MACROD2: variants seen among roughly 807,000 people sequenced by gnomAD.
The protein encoded by MACROD2 is ADP-ribose glycohydrolase MACROD2.
Under a neutral mutation model 70.4 loss-of-function variants are expected in MACROD2, and 36 were observed. The ratio of observed to expected loss-of-function variants is 0.51; its 90% CI spans 0.39 to 0.68. The LOEUF (loss-of-function observed/expected upper bound fraction) is 0.68. MACROD2 is among the 30% of genes least tolerant of loss of function. The pLI is 0.00. For synonymous variants in MACROD2, 172 were observed against 178.8 expected (o/e 0.96, Z 0.30); for missense variants, 496 against 538.4 (o/e 0.92, Z 0.78).
chr20:15,801,721 T>C (rs2063728258), intron 8 of MACROD2, among the ~76,000 whole-genome samples: 1 of 152,140 alleles, frequency 6.6e-6, no homozygotes, highest in African/African-American at 2.4e-5. Context: ...AGGCTTTTGG[T>C]CTATTTCTGT....
At chr20:15,478,775 G>C (rs1275579960) in intron 7 of MACROD2, among the ~76,000 whole-genome samples, 1 of 152,138 alleles carries the variant, frequency 6.6e-6, no homozygotes, top group Non-Finnish European at 1.5e-5. Flanking sequence ...AATTAAGACT[G>C]TGCAGAGAAG....
At chr20:14,963,756 T>A (rs2074605472) in intron 5 of MACROD2, among the ~76,000 whole-genome samples, 1 of 152,228 alleles carries the variant, frequency 6.6e-6, no homozygotes, top group Non-Finnish European at 1.5e-5. Context: ...AAGTTCTTCA[T>A]GTAGATTCAT....
intron 5 of MACROD2, among the ~76,000 whole-genome samples, chr20:14,863,456 C>T (rs764174134): frequency 2.6e-5 from 4 of 152,080 alleles, no homozygotes; most frequent in Non-Finnish European, 5.9e-5. Flanking sequence ...ATATCAAATG[C>T]TTCTAATTGA....
intron 8 of MACROD2, among the ~76,000 whole-genome samples, chr20:15,551,011 G>A (rs908622334): frequency 3.3e-5 from 5 of 152,220 alleles, no homozygotes; most frequent in African/African-American, 1.2e-4. Context: ...TAAGAATAAA[G>A]AAAATAATTC....
chr20:15,776,852 T>C (rs954019714), intron 8 of MACROD2, among the ~76,000 whole-genome samples: 6 of 152,140 alleles, frequency 3.9e-5, no homozygotes, highest in Admixed American at 3.9e-4. Context: ...TGTCCTGGGT[T>C]AGGTAGTGAT....
chr20:15,664,405 T>A (rs1568960966), intron 8 of MACROD2, among the ~76,000 whole-genome samples: 1 of 152,236 alleles, frequency 6.6e-6, no homozygotes, highest in Non-Finnish European at 1.5e-5. Flanking sequence ...TTTCTTGTAG[T>A]AGGTAATTGA....
chr20:14,159,397 T>C (rs960545387), intron 3 of MACROD2, among the ~76,000 whole-genome samples: 13 of 152,248 alleles, frequency 8.5e-5, no homozygotes, highest in Admixed American at 1.3e-4. Context: ...TATGTTCTCT[T>C]GAATTTCTTT....
chr20:14,929,707 T>C (rs1475959889), intron 5 of MACROD2, among the ~76,000 whole-genome samples: 1 of 152,032 alleles, frequency 6.6e-6, no homozygotes, highest in Admixed American at 6.6e-5. Flanking sequence ...TCCCATCCTC[T>C]GAGTCACCTT....
At chr20:15,860,220 C>CA (rs1358606598) in intron 8 of MACROD2, among the ~76,000 whole-genome samples, 1 of 151,980 alleles carries the variant, frequency 6.6e-6, no homozygotes, top group African/African-American at 2.4e-5. Context: ...CACTCATACA[C>CA]ACTCATGCAC....
At chr20:15,755,360 TAAG>T (rs933139663) in intron 8 of MACROD2, among the ~76,000 whole-genome samples, 2 of 152,186 alleles carry the variant, frequency 1.3e-5, no homozygotes, top group African/African-American at 4.8e-5. Context: ...ACCTCAAATG[TAAG>T]AAGAAGTTTA....
chr20:16,016,328 A>G (rs1044967001), intron 15 of MACROD2, among the ~76,000 whole-genome samples: 3 of 152,024 alleles, frequency 2.0e-5, no homozygotes, highest in Non-Finnish European at 2.9e-5. Flanking sequence ...ATTTTTTCCT[A>G]TCACTTCTAT....
chr20:14,840,192 C>T (rs569551152), intron 5 of MACROD2, among the ~76,000 whole-genome samples: 1 of 152,138 alleles, frequency 6.6e-6, no homozygotes, highest in East Asian at 1.9e-4. Context: ...TGCCTGCCAC[C>T]ATGGCTGGCT....
In MACROD2 at chr20:14,158,125, G is replaced by A. The variant is rs577368677; in HGVS notation, c.271+72397G>A. Among the ~76,000 whole-genome samples the A allele has an allele frequency of 2.2e-3, 341 of 152,168 alleles. 5 individuals carry two copies. The highest frequency in any genetic ancestry group is 8.0e-3 in the African/African-American group (331 of 41,550). On this transcript the variant is annotated intron_variant, in intron 3 of 17. Coordinates refer to ENST00000684519, the MANE Select transcript of MACROD2 (RefSeq NM_001351661.2). ...TTTAGTAATAGCCATTCTAATTGGGGTAAGATGATAGGTATCTCATTGTGG... is the reference window on the plus strand; with the variant it reads ...TTTAGTAATAGCCATTCTAATTGGGATAAGATGATAGGTATCTCATTGTGG...
chr20:15,517,001 C>T (rs6110647), intron 8 of MACROD2, among the ~76,000 whole-genome samples: 8,624 of 152,172 alleles, frequency 0.057, 799 homozygotes, highest in African/African-American at 0.19. Context: ...TAGTATGCAA[C>T]GTAACCACAT....
chr20:15,267,604 C>G (rs924376053), intron 6 of MACROD2, among the ~76,000 whole-genome samples: 4 of 152,184 alleles, frequency 2.6e-5, no homozygotes, highest in Admixed American at 6.5e-5. Flanking sequence ...GACTCAACCC[C>G]CAGGTAGAGA....
At chr20:15,364,626 T>A (rs1432835984) in intron 6 of MACROD2, among the ~76,000 whole-genome samples, 1 of 152,218 alleles carries the variant, frequency 6.6e-6, no homozygotes, top group African/African-American at 2.4e-5. Flanking sequence ...ATGGCTGATT[T>A]GTGAGTAATG....
intron 8 of MACROD2, among the ~76,000 whole-genome samples, chr20:15,702,213 T>A (rs1272603073): frequency 6.6e-6 from 1 of 152,246 alleles, no homozygotes; most frequent in Non-Finnish European, 1.5e-5. Context: ...ATGGTATTTC[T>A]ATTTTAAGTT....
chr20:15,584,176 C>G (rs570032180), intron 8 of MACROD2, among the ~76,000 whole-genome samples: 1 of 152,162 alleles, frequency 6.6e-6, no homozygotes, highest in Non-Finnish European at 1.5e-5. Flanking sequence ...AAAAATGCAG[C>G]CCCCTGGATC....
chr20:16,034,413 T>C (rs1417300566), intron 15 of MACROD2, among the ~76,000 whole-genome samples: 1 of 152,036 alleles, frequency 6.6e-6, no homozygotes, highest in Non-Finnish European at 1.5e-5. Context: ...CTGGGAAGTC[T>C]AGGGGAAAAT....
Sources: allele counts gnomAD v4.1 joint callset (sites outside exome capture counted in the v4.1 genomes callset), GRCh38; gene constraint gnomAD v4.1.1; transcripts MANE v1.5; gene names NCBI Gene and HGNC (gene_info 2026-07-23, HGNC 2026-07-21).